The following RARS2 variants were observed in gnomAD, a reference collection of about 807,000 sequenced individuals.
RARS2 encodes the protein probable arginine--tRNA ligase, mitochondrial.
A neutral mutation model predicts 88.5 loss-of-function variants in RARS2; 67 were observed. That is an observed-to-expected ratio of 0.76 (90% CI 0.62 to 0.93). RARS2 has a LOEUF of 0.93. Among genes scored for constraint, RARS2 ranks in the 40% least tolerant of loss-of-function variants. RARS2 has a pLI of 0.00. For missense variants in RARS2, 664 were observed against 684.2 expected (o/e 0.97, Z 0.33); for synonymous variants, 239 against 230.3 (o/e 1.04, Z -0.34).
At chr6:87,516,760 G>T in intron 18 of RARS2, 46 bp downstream of exon 18, 1 of 1,606,486 alleles carries the variant, frequency 6.2e-7, no homozygotes, top group South Asian at 1.1e-5. Context: ...TGAAAGAAAG[G>T]TCTCAAATGC....
Position 87,555,514 on chromosome 6 carries a change from T to G in RARS2, c.298-9A>C. ...ACTTGTTGTAGCACTGTCTGAAAAT[T>G]AAAGGACTGTAATTTAATGAACAAA... On this transcript the variant is annotated splice_polypyrimidine_tract_variant and intron_variant, in intron 4 of 19. Coordinates refer to ENST00000369536, the MANE Select transcript of RARS2 (RefSeq NM_020320.5). 1 of 1,585,606 alleles carries G rather than the reference T, an allele frequency of 6.3e-7. No individual in the cohort carries two copies. Among genetic ancestry groups the G allele is most frequent in the Non-Finnish European group, 8.7e-7 (1 of 1,154,348 alleles).
chr6:87,523,649 C>A (rs748687579), intron 11 of RARS2, among the ~76,000 whole-genome samples: 12 of 152,050 alleles, frequency 7.9e-5, no homozygotes, highest in Non-Finnish European at 1.8e-4. Context: ...CGGGATGTTT[C>A]TTTTTCCAAA....
chr6:87,514,305 C>G lies in RARS2; in HGVS notation c.*108G>C, dbSNP rs1770805002. ...CAGCCTGGGCAACAAGAGCGAAACT[C>G]CATCTCAAAAAAAAAAAAAAAAAAT... On this transcript the variant is annotated 3_prime_UTR_variant, in exon 20 of 20. Coordinates refer to ENST00000369536, the MANE Select transcript of RARS2 (RefSeq NM_020320.5). The G allele has an allele frequency of 1.2e-5, 8 of 687,846 alleles. No homozygotes were observed. Among genetic ancestry groups the G allele is most frequent in the African/African-American group, 2.0e-5 (1 of 50,704 alleles). The allele number at this position is 687,846 out of a possible 1,614,324, so 42.6% of individuals were successfully genotyped here. A position where few individuals can be genotyped will look rare whatever the true frequency, so the allele number is the denominator to read the frequency against.
chr6:87,579,707 T>C (rs1283235292), intron 1 of RARS2, among the ~76,000 whole-genome samples: 1 of 133,032 alleles, frequency 7.5e-6, no homozygotes, highest in Non-Finnish European at 1.6e-5. Flanking sequence ...CCACCGAGCA[T>C]AGAGCATGTT....
intron 2 of RARS2, 50 bp from the exon 3 acceptor site, chr6:87,564,282 G>GTCT: frequency 7.5e-7 from 1 of 1,332,360 alleles, no homozygotes; most frequent in Non-Finnish European, 1.1e-6. Flanking sequence ...AAAAGCATTA[G>GTCT]TTGTTAAACA....
rs1428207281 is a variant in RARS2 at position 87,533,260 on chromosome 6, GAAAT to G, written c.613-2322_613-2319del. On this transcript the variant is annotated intron_variant, in intron 8 of 19. Transcript: ENST00000369536. ...AGAATCTTCTCTTTCTTAAAAAATA[GAAAT>G]AATTAAAACAAAAAGCCCTTAAAAC... 6.9e-5 allele frequency among the ~76,000 whole-genome samples: 10 copies of G among 144,006 alleles called. No homozygotes were observed. In the South Asian group the frequency reaches 2.2e-3, roughly 32 times the overall value. 94.5% of individuals were successfully genotyped at this position (144,006 alleles called of 152,430 possible).
At chr6:87,574,186 AC>A (rs1358571422) in intron 1 of RARS2, among the ~76,000 whole-genome samples, 1 of 152,256 alleles carries the variant, frequency 6.6e-6, no homozygotes, top group East Asian at 1.9e-4. Flanking sequence ...AAAACACAAT[AC>A]ATTCTCCTAC....
intron 6 of RARS2, among the ~76,000 whole-genome samples, chr6:87,546,319 C>G (rs945466090): frequency 1.8e-4 from 27 of 152,124 alleles, no homozygotes; most frequent in African/African-American, 6.5e-4. Flanking sequence ...GGTTAGAGTT[C>G]CAGTAGTCTT....
Position 87,548,579 on chromosome 6 carries a change from C to T in RARS2, c.451+12G>A, listed in dbSNP as rs756356971. ...GGAACGTTTAGCATTTTATGTGAAA[C>T]TAAACACTTACCTATGATGGTAGAA... On this transcript the variant is annotated intron_variant, in intron 6 of 19. Coordinates refer to ENST00000369536, the MANE Select transcript of RARS2 (RefSeq NM_020320.5). The T allele has an allele frequency of 6.8e-6, 11 of 1,611,030 alleles. No individual in the cohort carries two copies. The highest frequency in any genetic ancestry group is 9.3e-6 in the Non-Finnish European group (11 of 1,178,248).
At chr6:87,572,327 T>G (rs187783611) in intron 1 of RARS2, among the ~76,000 whole-genome samples, 1 of 152,346 alleles carries the variant, frequency 6.6e-6, no homozygotes, top group Non-Finnish European at 1.5e-5. Flanking sequence ...TTGTTTATTT[T>G]GGACACATCT....
At chr6:87,577,378 G>C (rs1771889535) in intron 1 of RARS2, among the ~76,000 whole-genome samples, 1 of 151,912 alleles carries the variant, frequency 6.6e-6, no homozygotes, top group Admixed American at 6.6e-5. Flanking sequence ...TTTTTTTGTG[G>C]AGACGGCATA....
chr6:87,524,840 A>G (rs1368057252), intron 10 of RARS2, among the ~76,000 whole-genome samples, 188 bp from the exon 11 acceptor site: 1 of 152,210 alleles, frequency 6.6e-6, no homozygotes, highest in East Asian at 1.9e-4. Context: ...ATGAATGGGT[A>G]TGATGTAATT....
intron 2 of RARS2, among the ~76,000 whole-genome samples, chr6:87,565,378 G>T (rs1314144291): frequency 6.6e-6 from 1 of 151,942 alleles, no homozygotes; most frequent in East Asian, 1.9e-4. Flanking sequence ...TTTTCACTGG[G>T]TAGGTGAAAA....
intron 2 of RARS2, among the ~76,000 whole-genome samples, chr6:87,566,783 C>T (rs1210469105): frequency 4.2e-5 from 6 of 142,872 alleles, no homozygotes; most frequent in Non-Finnish European, 8.9e-5. Flanking sequence ...GAGCTTAAGG[C>T]TGCAGTAAGC....
At chr6:87,514,933 C>CA (rs1277468207) in intron 19 of RARS2, 24 bp downstream of exon 19, 3 of 1,581,760 alleles carry the variant, frequency 1.9e-6, no homozygotes. Context: ...AGGGATTATA[C>CA]AGAAAACATT....
intron 5 of RARS2, among the ~76,000 whole-genome samples, chr6:87,550,144 A>G (rs1783887157): frequency 6.6e-6 from 1 of 152,240 alleles, no homozygotes; most frequent in Non-Finnish European, 1.5e-5. Flanking sequence ...TTTAGAAAGA[A>G]AGTAAATGTC....
chr6:87,523,380 A>G lies in RARS2; in HGVS notation c.974+1177T>C, dbSNP rs1350123376. ...GTATTCTCCTGCAGTTTTGTCTGCT[A>G]TAACAACTTTCATTTACATCCCCCA... On this transcript the variant is annotated intron_variant, in intron 11 of 19. Coordinates refer to ENST00000369536, the MANE Select transcript of RARS2 (RefSeq NM_020320.5). 2.0e-5 allele frequency among the ~76,000 whole-genome samples: 3 copies of G among 152,214 alleles called. No individual in the cohort carries two copies. In the South Asian group the frequency reaches 6.2e-4, roughly 32 times the overall value.
chr6:87,540,922 A>T (rs1780732471), intron 8 of RARS2, among the ~76,000 whole-genome samples: 1 of 151,922 alleles, frequency 6.6e-6, no homozygotes, highest in African/African-American at 2.4e-5. Context: ...AGAGAAATAG[A>T]CATGCTGTCC....
intron 7 of RARS2, among the ~76,000 whole-genome samples, chr6:87,544,548 G>A (rs1385861862): frequency 3.3e-5 from 5 of 152,186 alleles, no homozygotes; most frequent in Admixed American, 6.5e-5. Flanking sequence ...TTGTGTCAGA[G>A]AATGCTTTAT....
Sources: allele counts gnomAD v4.1 joint callset (sites outside exome capture counted in the v4.1 genomes callset), GRCh38; gene constraint gnomAD v4.1.1; transcripts MANE v1.5; gene names NCBI Gene and HGNC (gene_info 2026-07-23, HGNC 2026-07-21).